Variants in CLEC16A observed in about 807,000 individuals in gnomAD.
CLEC16A encodes C-type lectin domain containing 16A, also known as protein CLEC16A.
In CLEC16A, 51 loss-of-function variants were observed where a neutral mutation model predicts 109.5. That is an observed-to-expected ratio of 0.47 (90% CI 0.37 to 0.59). CLEC16A has a LOEUF of 0.59. Ranked by LOEUF, CLEC16A falls within the 20% of genes least tolerant of loss-of-function variation. The probability of loss-of-function intolerance (pLI) is 0.00; values close to 1 mark genes in which losing one functional copy is unlikely to be tolerated. For missense variants in CLEC16A, 1,339 were observed against 1,394.0 expected (o/e 0.96, Z 0.63); for synonymous variants, 673 against 564.2 (o/e 1.19, Z -2.73).
chr16:10,964,516 C>G (rs961755638), intron 3 of CLEC16A, among the ~76,000 whole-genome samples: 6 of 152,182 alleles, frequency 3.9e-5, no homozygotes, highest in Non-Finnish European at 8.8e-5. Flanking sequence ...CATAGAGTGG[C>G]TGGGCGTGAG....
chr16:11,126,679 A>T (rs1043089051), intron 22 of CLEC16A: 1 of 186,010 alleles, frequency 5.4e-6, no homozygotes, highest in Admixed American at 5.7e-5. Flanking sequence ...CTTGAATGGA[A>T]AGTCCATTGC....
intron 22 of CLEC16A, among the ~76,000 whole-genome samples, chr16:11,152,991 A>G (rs1597580560): frequency 6.6e-6 from 1 of 150,862 alleles, no homozygotes; most frequent in South Asian, 2.1e-4. Flanking sequence ...CCAAATCTCC[A>G]CTCCACCCCG....
intron 20 of CLEC16A, 73 bp downstream of exon 20, chr16:11,120,839 C>CCA (rs1555494149): frequency 3.1e-6 from 3 of 965,980 alleles, no homozygotes; most frequent in Non-Finnish European, 4.2e-6. Context: ...CACACACACA[C>CCA]CACACACAAT....
chr16:10,963,654 G>C (rs2042361678), intron 3 of CLEC16A, among the ~76,000 whole-genome samples: 1 of 152,174 alleles, frequency 6.6e-6, no homozygotes, highest in Non-Finnish European at 1.5e-5. Flanking sequence ...CCCTCACTAA[G>C]CCTCAGTTTC....
intron 20 of CLEC16A, among the ~76,000 whole-genome samples, chr16:11,122,865 A>G (rs182570466): frequency 1.4e-5 from 2 of 142,626 alleles, no homozygotes; most frequent in Admixed American, 1.4e-4. Flanking sequence ...TTTCCTTCAA[A>G]TCTCTGCTCA....
intron 22 of CLEC16A, among the ~76,000 whole-genome samples, chr16:11,158,943 T>C (rs898588347): frequency 6.7e-5 from 10 of 149,902 alleles, no homozygotes; most frequent in Non-Finnish European, 1.3e-4. Context: ...AAACAGAGGC[T>C]GGAGACCCCT....
intron 1 of CLEC16A, among the ~76,000 whole-genome samples, chr16:10,947,615 G>C (rs1313117648): frequency 6.6e-6 from 1 of 152,200 alleles, no homozygotes; most frequent in African/African-American, 2.4e-5. Flanking sequence ...GCTGGAAGTA[G>C]GAAGGGGCTT....
At chr16:11,001,149 C>T (rs1376414325) in intron 10 of CLEC16A, among the ~76,000 whole-genome samples, 1 of 152,162 alleles carries the variant, frequency 6.6e-6, no homozygotes, top group South Asian at 2.1e-4. Context: ...GGCTAGAGTG[C>T]AGTGGCGCCA....
At chr16:11,148,247 A>G (rs913781902) in intron 22 of CLEC16A, among the ~76,000 whole-genome samples, 6 of 152,208 alleles carry the variant, frequency 3.9e-5, no homozygotes, top group Admixed American at 3.9e-4. Flanking sequence ...TGGTGCTGCT[A>G]GATGGTATGC....
chr16:11,008,274 G>C (rs1473308826), intron 11 of CLEC16A, among the ~76,000 whole-genome samples: 1 of 152,166 alleles, frequency 6.6e-6, no homozygotes, highest in African/African-American at 2.4e-5. Flanking sequence ...GGAACACAGA[G>C]GGCAACTGAG....
intron 19 of CLEC16A, among the ~76,000 whole-genome samples, chr16:11,092,096 C>T (rs142962362): frequency 6.6e-6 from 1 of 152,256 alleles, no homozygotes; most frequent in Non-Finnish European, 1.5e-5. Flanking sequence ...TGTAATTTAT[C>T]CAGCACTTTG....
chr16:11,026,161 C>G (rs1029450920), intron 13 of CLEC16A, among the ~76,000 whole-genome samples: 2 of 151,810 alleles, frequency 1.3e-5, no homozygotes, highest in Admixed American at 6.5e-5. Flanking sequence ...TCTGGTTTTG[C>G]TATCAGGGTT....
At chr16:10,971,691 C>T (rs1394331082) in intron 5 of CLEC16A, 1 of 203,710 alleles carries the variant, frequency 4.9e-6, no homozygotes, top group Non-Finnish European at 8.7e-6. Context: ...AAGCCCAGCA[C>T]TAACAATTCC....
intron 18 of CLEC16A, among the ~76,000 whole-genome samples, chr16:11,053,622 C>T (rs903694035): frequency 3.3e-5 from 5 of 152,168 alleles, no homozygotes; most frequent in East Asian, 1.9e-4. Flanking sequence ...CCGCCCACCT[C>T]GGCCTCTCAA....
At chr16:10,993,746 A>G (rs1364085118) in intron 10 of CLEC16A, among the ~76,000 whole-genome samples, 1 of 152,204 alleles carries the variant, frequency 6.6e-6, no homozygotes, top group Non-Finnish European at 1.5e-5. Context: ...ATTGTTTAGT[A>G]AGGGAGTGTG....
At chr16:10,957,235 A>AG (rs529184290) in intron 1 of CLEC16A, among the ~76,000 whole-genome samples, 2,789 of 152,336 alleles carry the variant, frequency 0.018, 41 homozygotes, top group Non-Finnish European at 0.027. Context: ...GAGCATTCCA[A>AG]GGGGAATTGC....
chr16:10,955,778 G>A (rs114233690), intron 1 of CLEC16A, among the ~76,000 whole-genome samples: 18 of 152,286 alleles, frequency 1.2e-4, no homozygotes, highest in African/African-American at 3.1e-4. Context: ...TATTGCCAAC[G>A]ATGTCTTGTC....
At chr16:11,001,831 C>T (rs938903287) in intron 10 of CLEC16A, among the ~76,000 whole-genome samples, 2 of 152,152 alleles carry the variant, frequency 1.3e-5, no homozygotes, top group African/African-American at 4.8e-5. Context: ...AAAGGAAGAA[C>T]TTTGTCCTCT....
At chr16:10,994,841 G>A (rs892696746) in intron 10 of CLEC16A, among the ~76,000 whole-genome samples, 25 of 152,134 alleles carry the variant, frequency 1.6e-4, no homozygotes, top group Admixed American at 1.3e-4. Flanking sequence ...GTGTGACGTC[G>A]GCATGGCCTA....
Sources: gnomAD v4.1 joint callset for allele counts (sites outside exome capture counted in the v4.1 genomes callset) on GRCh38, gnomAD v4.1.1 for gene constraint, MANE v1.5 for transcripts, NCBI Gene and HGNC (gene_info 2026-07-23, HGNC 2026-07-21) for gene names.